ABCA13: variants seen among roughly 807,000 people sequenced by gnomAD.
ABCA13 encodes the protein ATP binding cassette subfamily A member 13.
ABCA13 carries 476 observed loss-of-function variants against 478.7 expected under a neutral mutation model. That is an observed-to-expected ratio of 0.99 (90% CI 0.92 to 1.07). ABCA13 has a LOEUF of 1.07. ABCA13 is among the 50% of genes least tolerant of loss of function. ABCA13 has a pLI of 0.00. For synonymous variants in ABCA13, 2,252 were observed against 2,158.9 expected, an observed-to-expected ratio of 1.04 and a Z score of -1.20; for missense variants, 6,060 against 5,910.6, an observed-to-expected ratio of 1.03 and a Z score of -0.83.
Position 48,213,620 on chromosome 7 carries a change from C to T in ABCA13, c.288-5734C>T, listed in dbSNP as rs531204145. ...AAGTTTACTGCATCATTGACTGTTT[C>T]TTTCATGAAAGATTTCTCTGTAGCA... On this transcript the variant is annotated intron_variant, in intron 3 of 61. Transcript: ENST00000435803. Among the ~76,000 whole-genome samples the T allele has an allele frequency of 2.6e-5, 4 of 152,292 alleles. No homozygotes were observed. The South Asian group carries it at 8.3e-4, about 32-fold the overall frequency.
At chr7:48,635,208 A>C (rs1586055217) in intron 59 of ABCA13, among the ~76,000 whole-genome samples, 1 of 120,352 alleles carries the variant, frequency 8.3e-6, no homozygotes, top group African/African-American at 3.7e-5. Flanking sequence ...GAACTTCTCC[A>C]CATTTTGTTG....
At chr7:48,602,045 C>T (rs960989073) in intron 58 of ABCA13, among the ~76,000 whole-genome samples, 6 of 152,036 alleles carry the variant, frequency 3.9e-5, no homozygotes, top group Admixed American at 1.3e-4. Context: ...CTGTTCATAT[C>T]CTTTGCCCAC....
intron 34 of ABCA13, 77 bp from the exon 35 acceptor site, chr7:48,376,364 G>C (rs1813481302): frequency 9.8e-6 from 15 of 1,538,304 alleles, no homozygotes; most frequent in Non-Finnish European, 1.2e-5. Flanking sequence ...GCTTCCAGAA[G>C]TAATGAACTC....
chr7:48,425,548 C>G (rs910145233), intron 41 of ABCA13, among the ~76,000 whole-genome samples: 2 of 152,146 alleles, frequency 1.3e-5, no homozygotes, highest in East Asian at 1.9e-4. Flanking sequence ...TAATAGTACT[C>G]ATCTCATCAG....
intron 55 of ABCA13, among the ~76,000 whole-genome samples, chr7:48,541,599 G>A (rs1286472631): frequency 1.3e-5 from 2 of 151,916 alleles, no homozygotes; most frequent in Non-Finnish European, 2.9e-5. Flanking sequence ...TTGAATCCAA[G>A]TTTTTGAAAC....
Position 48,271,819 on chromosome 7 carries a change from TG to T in ABCA13, c.2155del (p.Glu719LysfsTer12), listed in dbSNP as rs1562925875. 1.9e-6 allele frequency: 3 copies of T among 1,545,374 alleles called. No individual in the cohort carries two copies. Among genetic ancestry groups the T allele is most frequent in the Non-Finnish European group, 2.6e-6 (3 of 1,144,632 alleles). ...AATTTCACAAAGCACCTTCTAATGA[TG>T]GAAAAGAAGTTGCACACCCTTGAGG... The part of the protein sequence containing the change: ...ALNFTKHLLM[M>X]EKKLHTLEDE... On this transcript the variant is annotated frameshift_variant, in exon 17 of 62. Transcript: ENST00000435803. LOFTEE classifies it high-confidence loss of function.
At position 48,280,243 on chromosome 7, in the gene ABCA13, C is replaced by A. The variant is rs565360336; in HGVS notation, c.8726+323C>A. ...CATAAACAATTTTTCTGTTCATATC[C>A]TCTGGCAGCCAAGGGTCCTATGACT... is the stretch of plus-strand genomic sequence containing the variant. On this transcript the variant is annotated intron_variant, in intron 18 of 61. Coordinates refer to ENST00000435803, the MANE Select transcript of ABCA13 (RefSeq NM_152701.5). 2.0e-3 allele frequency among the ~76,000 whole-genome samples: 306 copies of A among 152,298 alleles called. 5 individuals carry two copies. In the South Asian group the frequency reaches 0.022, roughly 11 times the overall value.
intron 1 of ABCA13, among the ~76,000 whole-genome samples, chr7:48,186,507 G>T (rs1400416147): frequency 6.6e-6 from 1 of 151,970 alleles, no homozygotes; most frequent in African/African-American, 2.4e-5. Flanking sequence ...CCATGTCTTA[G>T]TGTAGATTTA....
In ABCA13 at chr7:48,249,204, G is replaced by T; in HGVS notation, c.1866-8G>T. 1 of 1,590,360 alleles carries T rather than the reference G, an allele frequency of 6.3e-7. No homozygotes were observed. The highest frequency in any genetic ancestry group is 1.2e-5 in the South Asian group (1 of 86,758). ...TTTTAATTTTCTCTGGATTCTTTTT[G>T]ATTGCAGGATATTTCATACACTTGA... On this transcript the variant is annotated splice_region_variant and splice_polypyrimidine_tract_variant and intron_variant, in intron 14 of 61. Coordinates refer to ENST00000435803, the MANE Select transcript of ABCA13 (RefSeq NM_152701.5).
At chr7:48,355,215 A>T (rs957227180) in intron 31 of ABCA13, among the ~76,000 whole-genome samples, 2 of 151,958 alleles carry the variant, frequency 1.3e-5, no homozygotes, top group African/African-American at 4.8e-5. Context: ...TAGGAGGGGA[A>T]GATGGAATTG....
intron 39 of ABCA13, among the ~76,000 whole-genome samples, chr7:48,407,478 A>C (rs1487469640): frequency 6.6e-6 from 1 of 151,570 alleles, no homozygotes; most frequent in Non-Finnish European, 1.5e-5. Context: ...TGTGTCAAAA[A>C]AAAAAAATTT....
chr7:48,463,730 A>G (rs1389295359), intron 43 of ABCA13, among the ~76,000 whole-genome samples: 1 of 152,050 alleles, frequency 6.6e-6, no homozygotes, highest in Admixed American at 6.5e-5. Flanking sequence ...CTGAGAGTGT[A>G]GGGAAGGAAG....
In ABCA13 at chr7:48,274,838, T is replaced by A. The variant is rs1199904432; in HGVS notation, c.5172T>A (p.Asn1724Lys). ...TTGCAGACAGCTCACATTCTTGGAA[T>A]GTTAATCATCTGCTGCAGCTCTCAC... ...EKFADSSHSWNVNHLLQLSRL... is the reference protein window; with the variant it reads ...EKFADSSHSWKVNHLLQLSRL... Residue 1724 changes from asparagine (N) to lysine (K), a missense_variant, in exon 17 of 62, where the codon AAT (asparagine) becomes AAA (lysine). By Grantham distance (94) the Asn-to-Lys change is moderately conservative. Transcript: ENST00000435803. 1.9e-6 allele frequency: 3 copies of A among 1,613,850 alleles called. No homozygotes were observed. Among genetic ancestry groups the A allele is most frequent in the Admixed American group, 1.7e-5 (1 of 60,000 alleles).
At chr7:48,391,418 C>A (rs1322357820) in intron 37 of ABCA13, among the ~76,000 whole-genome samples, 3 of 152,128 alleles carry the variant, frequency 2.0e-5, no homozygotes, top group African/African-American at 7.2e-5. Flanking sequence ...TAGGTAGAAA[C>A]CATAGTCTGA....
chr7:48,199,240 T>A (rs953923702), intron 3 of ABCA13, among the ~76,000 whole-genome samples: 1 of 152,238 alleles, frequency 6.6e-6, no homozygotes, highest in African/African-American at 2.4e-5. Flanking sequence ...ACAATATTTA[T>A]AAATGGTGTT....
intron 29 of ABCA13, among the ~76,000 whole-genome samples, chr7:48,339,715 A>G (rs927353455): frequency 1.3e-5 from 2 of 152,180 alleles, no homozygotes; most frequent in Non-Finnish European, 2.9e-5. Flanking sequence ...GAATTTTGAG[A>G]TCCATGAGGT....
At chr7:48,471,642 CA>C (rs1563313040) in intron 45 of ABCA13, 43 bp downstream of exon 45, 3 of 1,500,634 alleles carry the variant, frequency 2.0e-6, no homozygotes, top group Non-Finnish European at 2.7e-6. Flanking sequence ...GTCTAAAATT[CA>C]AGTGACAAAA....
intron 32 of ABCA13, among the ~76,000 whole-genome samples, chr7:48,369,712 T>G (rs1830106): frequency 0.24 from 36,209 of 151,936 alleles, 4,783 homozygotes; most frequent in African/African-American, 0.35. Context: ...AAATATTTGG[T>G]TTTATTTCTG....
chr7:48,293,807 G>T (rs6583541), intron 20 of ABCA13, among the ~76,000 whole-genome samples: 76,626 of 151,930 alleles, frequency 0.5, 20,174 homozygotes, highest in East Asian at 0.83. Flanking sequence ...AGGAAGATAC[G>T]GATAAGATGT....
Sources: gnomAD v4.1 joint callset for allele counts (sites outside exome capture counted in the v4.1 genomes callset) on GRCh38, gnomAD v4.1.1 for gene constraint, MANE v1.5 for transcripts, NCBI Gene and HGNC (gene_info 2026-07-23, HGNC 2026-07-21) for gene names.